The following LAMP2 variants were observed in gnomAD, a reference collection of about 807,000 sequenced individuals.
LAMP2 encodes the protein lysosome-associated membrane glycoprotein 2.
Under a neutral mutation model 25.6 loss-of-function variants are expected in LAMP2, and 4 were observed. That is an observed-to-expected ratio of 0.16 (90% confidence interval 0.08 to 0.36). The LOEUF is 0.36. Ranked by LOEUF, LAMP2 falls within the 10% of genes least tolerant of loss-of-function variation. The pLI, the probability that LAMP2 is intolerant of heterozygous loss-of-function variation, is 1.00. For synonymous variants in LAMP2, 108 were observed against 112.7 expected (o/e 0.96, Z 0.27); for missense variants, 272 against 301.4 (o/e 0.90, Z 0.72).
chrX:120,466,896 G>A (rs1921561001), intron 1 of LAMP2, among the ~76,000 whole-genome samples: 1 of 101,072 alleles, frequency 9.9e-6, no homozygotes, highest in Admixed American at 1.1e-4. Context: ...AGGCTGGAAT[G>A]CAGTGGCGCA....
At chrX:120,438,988 C>A in intron 8 of LAMP2, 2 of 1,052,795 alleles carry the variant, frequency 1.9e-6, no homozygotes. Flanking sequence ...CAAAGTCAGG[C>A]AACTAATTTG....
At chrX:120,454,950 TATAC>T (rs1381932756) in intron 3 of LAMP2, among the ~76,000 whole-genome samples, 6 of 99,851 alleles carry the variant, frequency 6.0e-5, no homozygotes, top group African/African-American at 2.3e-4. Flanking sequence ...TATATATATA[TATAC>T]ACACACACTA....
chrX:120,443,684 G>C (rs1379081642), intron 6 of LAMP2, among the ~76,000 whole-genome samples: 1 of 112,017 alleles, frequency 8.9e-6, no homozygotes, highest in Non-Finnish European at 1.9e-5. Flanking sequence ...TGGGAGAAAA[G>C]AAGGCTTGAA....
At chrX:120,451,012 C>T (rs2058618923) in intron 3 of LAMP2, among the ~76,000 whole-genome samples, 1 of 110,007 alleles carries the variant, frequency 9.1e-6, no homozygotes, top group Non-Finnish European at 1.9e-5. Flanking sequence ...ACTGCAACCT[C>T]CACCTCCTAG....
At chrX:120,449,329 T>C (rs2058611578) in intron 3 of LAMP2, among the ~76,000 whole-genome samples, 1 of 112,557 alleles carries the variant, frequency 8.9e-6, no homozygotes, top group African/African-American at 3.2e-5. Flanking sequence ...AAATGGGGGT[T>C]AGGGGCTGGG....
chrX:120,427,315 C>T lies in LAMP2; in HGVS notation c.*4008G>A, dbSNP rs1489731000. On this transcript the variant is annotated 3_prime_UTR_variant, in exon 9 of 9. Coordinates refer to ENST00000200639, the MANE Select transcript of LAMP2 (RefSeq NM_002294.3). ...CCATTTGAACCCTAGACAACTTCAACACTGCTTCCAAATAAAAGGGCAATT... is the reference window on the plus strand; with the variant it reads ...CCATTTGAACCCTAGACAACTTCAATACTGCTTCCAAATAAAAGGGCAATT... Among the ~76,000 whole-genome samples the T allele has an allele frequency of 9.0e-6, 1 of 111,398 alleles. No individual in the cohort carries two copies.
chrX:120,469,054 T>G (rs1018968941), intron 1 of LAMP2, 52 bp downstream of exon 1: 31 of 1,143,349 alleles, frequency 2.7e-5, no homozygotes, highest in Non-Finnish European at 3.6e-5. Context: ...AGCTTTGAAC[T>G]GGTGCCCCGG....
intron 1 of LAMP2, among the ~76,000 whole-genome samples, chrX:120,462,742 T>C (rs946546945): frequency 9.0e-6 from 1 of 111,631 alleles, no homozygotes; most frequent in Non-Finnish European, 1.9e-5. Flanking sequence ...GGATTGATTA[T>C]ATAATGAAGT....
rs2058510513 is a variant in LAMP2 at position 120,428,995 on chromosome X, A to G, written c.*2328T>C. 4.5e-6 allele frequency: 3 copies of G among 666,777 alleles called. No homozygotes were observed. Among genetic ancestry groups the G allele is most frequent in the African/African-American group, 2.5e-5 (1 of 40,419 alleles). The allele number at this position is 666,777 out of a possible 1,213,427, so 54.9% of individuals were successfully genotyped here. On this transcript the variant is annotated 3_prime_UTR_variant, in exon 9 of 9. Coordinates refer to ENST00000200639, the MANE Select transcript of LAMP2 (RefSeq NM_002294.3). ...CTTTCTCTTCGTCACACCTATAATTAAAGTATAAATAAGAATTCTGTATAA... is the reference window on the plus strand; with the variant it reads ...CTTTCTCTTCGTCACACCTATAATTGAAGTATAAATAAGAATTCTGTATAA...
chrX:120,453,296 T>C (rs1285471438), intron 3 of LAMP2, among the ~76,000 whole-genome samples: 1 of 111,987 alleles, frequency 8.9e-6, no homozygotes, highest in Non-Finnish European at 1.9e-5. Flanking sequence ...TCCCAAATTT[T>C]ACGTGAGCTT....
intron 3 of LAMP2, among the ~76,000 whole-genome samples, chrX:120,449,444 G>C (rs1018624807): frequency 2.7e-5 from 3 of 111,820 alleles, no homozygotes; most frequent in African/African-American, 6.5e-5. Context: ...GTGAAACCTC[G>C]TCTCTACTAA....
At chrX:120,443,692 G>A (rs910166153) in intron 6 of LAMP2, among the ~76,000 whole-genome samples, 5 of 111,954 alleles carry the variant, frequency 4.5e-5, no homozygotes, top group Admixed American at 1.9e-4. Flanking sequence ...AAGAAGGCTT[G>A]AACTACCCAG....
At chrX:120,438,845 T>G in intron 8 of LAMP2, 1 of 858,850 alleles carries the variant, frequency 1.2e-6, no homozygotes, top group Non-Finnish European at 1.4e-6. Flanking sequence ...AAACGGTGTA[T>G]TTTTAGTCTG....
chrX:120,451,931 G>A (rs1223604221), intron 3 of LAMP2, among the ~76,000 whole-genome samples: 1 of 111,839 alleles, frequency 8.9e-6, no homozygotes, highest in Non-Finnish European at 1.9e-5. Context: ...AAAGAGAGAA[G>A]TGTTAACATT....
chrX:120,431,676 A>T (rs2058523677), intron 8 of LAMP2, among the ~76,000 whole-genome samples: 1 of 112,705 alleles, frequency 8.9e-6, no homozygotes, highest in East Asian at 2.8e-4. Flanking sequence ...ACCAAGTAAA[A>T]ATGCAGTCAT....
chrX:120,455,207 C>T (rs1012689599), intron 3 of LAMP2, 150 bp downstream of exon 3: 1 of 491,824 alleles, frequency 2.0e-6, no homozygotes, highest in Non-Finnish European at 3.5e-6. Flanking sequence ...GTCATATGTG[C>T]CATGCATGGG....
intron 5 of LAMP2, among the ~76,000 whole-genome samples, chrX:120,447,440 G>A (rs982698389): frequency 2.7e-5 from 3 of 109,894 alleles, no homozygotes; most frequent in African/African-American, 1.0e-4. Flanking sequence ...TGGGTGTGGT[G>A]GCTCACGCCT....
At chrX:120,465,753 G>A (rs1165183947) in intron 1 of LAMP2, among the ~76,000 whole-genome samples, 1 of 111,868 alleles carries the variant, frequency 8.9e-6, no homozygotes, top group Non-Finnish European at 1.9e-5. Flanking sequence ...CAGTACCCAG[G>A]CACAGTTCTA....
chrX:120,453,368 A>G (rs1345711276), intron 3 of LAMP2, among the ~76,000 whole-genome samples: 1 of 111,952 alleles, frequency 8.9e-6, no homozygotes, highest in African/African-American at 3.3e-5. Flanking sequence ...TGAGTTATTA[A>G]TCCCCAGGTC....
Sources: gnomAD v4.1 joint callset for allele counts (sites outside exome capture counted in the v4.1 genomes callset) on GRCh38, gnomAD v4.1.1 for gene constraint, MANE v1.5 for transcripts, NCBI Gene and HGNC (gene_info 2026-07-23, HGNC 2026-07-21) for gene names.